The following THBS2 variants were observed in gnomAD, a reference collection of about 807,000 sequenced individuals.
THBS2 encodes thrombospondin-2.
A neutral mutation model predicts 135.2 loss-of-function variants in THBS2; 47 were observed. That is an observed-to-expected ratio of 0.35 (90% CI 0.28 to 0.44). The LOEUF is 0.44. THBS2 is among the 20% of genes least tolerant of loss of function. THBS2 has a pLI of 1.00. For missense variants in THBS2, 1,288 were observed against 1,603.1 expected, an observed-to-expected ratio of 0.80 and a Z score of 3.36; for synonymous variants, 639 against 633.8, an observed-to-expected ratio of 1.01 and a Z score of -0.12.
intron 14 of THBS2, 101 bp from the exon 15 acceptor site, chr6:169,228,382 A>G: frequency 7.1e-7 from 1 of 1,416,076 alleles, no homozygotes. Context: ...ATGAAAATCA[A>G]TATAGAAATC....
chr6:169,237,600 C>T (rs376077517), intron 8 of THBS2, 25 bp downstream of exon 8: 13 of 1,610,362 alleles, frequency 8.1e-6, no homozygotes, highest in South Asian at 5.5e-5. Context: ...CACAGGCACG[C>T]GGGTGTCACC....
At chr6:169,233,375 T>A (rs1460649916) in intron 10 of THBS2, among the ~76,000 whole-genome samples, 8 of 151,404 alleles carry the variant, frequency 5.3e-5, no homozygotes, top group African/African-American at 1.9e-4. Flanking sequence ...ACGCGCCACG[T>A]TCCGGATCAC....
intron 3 of THBS2, among the ~76,000 whole-genome samples, chr6:169,246,856 G>A (rs1243154436): frequency 2.0e-5 from 3 of 152,016 alleles, no homozygotes; most frequent in African/African-American, 7.3e-5. Context: ...GTTTAACCAT[G>A]TACTTATTTC....
chr6:169,249,010 G>A (rs768745814), intron 2 of THBS2, 37 bp from the exon 3 acceptor site: 14 of 1,560,912 alleles, frequency 9.0e-6, no homozygotes, highest in Non-Finnish European at 1.2e-5. Flanking sequence ...GGTGACGTAG[G>A]GGAAGAGGGC....
At chr6:169,253,396 A>G (rs996041943) in intron 1 of THBS2, among the ~76,000 whole-genome samples, 1 of 152,194 alleles carries the variant, frequency 6.6e-6, no homozygotes, top group African/African-American at 2.4e-5. Context: ...AACTGAAAAC[A>G]TAAAGCGTTT....
Position 169,232,806 on chromosome 6 carries a change from AC to A in THBS2, c.1789del (p.Val597SerfsTer153). The A allele has an allele frequency of 6.2e-7, 1 of 1,613,360 alleles. No homozygotes were observed. Among genetic ancestry groups the A allele is most frequent in the Non-Finnish European group, 8.5e-7 (1 of 1,179,662 alleles). On this transcript the variant is annotated frameshift_variant, in exon 12 of 22. Transcript: ENST00000617924. LOFTEE classifies it high-confidence loss of function. Reference protein sequence around the residue: ...HCEDLDECALVPDICFSTSKV... With the variant: ...HCEDLDECALXPDICFSTSKV... ...GCTGGTGGAGAAGCAGATGTCGGGG[AC>A]CAGGGCACACTGCGGGGACAAGCAG...
Position 169,225,190 on chromosome 6 carries a change from C to A in THBS2, c.2728G>T (p.Asp910Tyr). Residue 910 changes from aspartate to tyrosine, a missense_variant, in exon 17 of 22, where the codon GAC (aspartate) becomes TAC (tyrosine). Asp to Tyr is a radical substitution (Grantham distance 160). Coordinates refer to ENST00000617924, the MANE Select transcript of THBS2 (RefSeq NM_003247.5). Reference protein sequence around the residue: ...DDNDGVPDDRDNCRLVFNPDQ... With the variant: ...DDNDGVPDDRYNCRLVFNPDQ... Reference sequence around the variant, plus strand: ...GGGTTGAACACAAGCCGGCAGTTGTCCCTGTCATCGGGGACGCCATCGTTG... The same window carrying A: ...GGGTTGAACACAAGCCGGCAGTTGTACCTGTCATCGGGGACGCCATCGTTG... 6.2e-7 allele frequency: 1 copy of A among 1,614,234 alleles called. No individual in the cohort carries two copies. Among genetic ancestry groups the A allele is most frequent in the Non-Finnish European group, 8.5e-7 (1 of 1,180,050 alleles).
rs1241276410 is a variant in THBS2, at chr6:169,216,893, C to T, written c.*929G>A. ...TCAAATCAGGTAAAAGCAACTTGTC[C>T]GCAGTTACCAAAGCCTAGATACGCG... On this transcript the variant is annotated 3_prime_UTR_variant, in exon 22 of 22. Transcript: ENST00000617924. The T allele has an allele frequency of 2.0e-5, 3 of 152,150 alleles. No homozygotes were observed. Among genetic ancestry groups the T allele is most frequent in the Admixed American group, 6.5e-5 (1 of 15,274 alleles). The allele number at this position is 152,150 out of a possible 1,614,324, so 9.4% of individuals were successfully genotyped here. A position where few individuals can be genotyped will look rare whatever the true frequency, so the allele number is the denominator to read the frequency against.
At position 169,237,303 on chromosome 6, in the gene THBS2, T is replaced by C. The variant is rs751650653; in HGVS notation, c.1344A>G (p.Ser448=). The change falls in exon 9 of 22, where the codon TCA becomes TCG. Residue 448 remains serine, a synonymous_variant. Transcript: ENST00000617924. ...TGCCAACTCCACAGGTCACAGAGCA[T>C]GAAGACCAAGGTGACCAGTGGCTCC... ...GGWSHWSPWS[S]CSVTCGVGNI... 4.3e-6 allele frequency: 7 copies of C among 1,613,462 alleles called. No individual in the cohort carries two copies. The East Asian group carries it at 8.9e-5, about 21-fold the overall frequency.
intron 15 of THBS2, among the ~76,000 whole-genome samples, chr6:169,226,960 TGGAAG>T (rs1354002808): frequency 6.6e-6 from 1 of 151,932 alleles, no homozygotes; most frequent in East Asian, 1.9e-4. Context: ...AAAATAAAAA[TGGAAG>T]GGACTGGAGC....
At chr6:169,223,148 A>G (rs1779493144) in intron 18 of THBS2, 100 bp downstream of exon 18, 7 of 1,122,972 alleles carry the variant, frequency 6.2e-6, no homozygotes, top group Non-Finnish European at 8.8e-6. Context: ...GAAAGACCAC[A>G]TGGCATCCCA....
chr6:169,249,058 G>A (rs951805372), intron 2 of THBS2, 85 bp from the exon 3 acceptor site: 9 of 1,332,756 alleles, frequency 6.8e-6, no homozygotes, highest in Non-Finnish European at 9.1e-6. Context: ...CCAGAACCTC[G>A]CGTGTAAGGA....
At chr6:169,233,855 G>T (rs1779939613) in intron 10 of THBS2, among the ~76,000 whole-genome samples, 1 of 142,980 alleles carries the variant, frequency 7.0e-6, no homozygotes, top group Non-Finnish European at 1.5e-5. Context: ...CTGCCCACAC[G>T]TCAGGTGCTA....
chr6:169,226,148 C>CCCCAACCCCGCCTG (rs1779619468), intron 16 of THBS2, 32 bp downstream of exon 16: 1 of 1,581,784 alleles, frequency 6.3e-7, no homozygotes, highest in African/African-American at 1.4e-5. Context: ...TGATGAGGAC[C>CCCCAACCCCGCCTG]TCCAACCCCG....
In THBS2 at chr6:169,232,904, C is replaced by T; in HGVS notation, c.1765G>A (p.Glu589Lys). 6.3e-7 allele frequency: 1 copy of T among 1,592,724 alleles called. No individual in the cohort carries two copies. Among genetic ancestry groups the T allele is most frequent in the Non-Finnish European group, 8.5e-7 (1 of 1,169,944 alleles). Reference protein sequence around the residue: ...VGFLGNGTHCEDLDECALVPD... With the variant: ...VGFLGNGTHCKDLDECALVPD... ...GGGTCACCCACCTCGTCCAGGTCCT[C>T]ACAGTGGGTGCCATTGCCCAAGAAG... The change falls in exon 11 of 22, where the codon GAG becomes AAG. Residue 589 changes from glutamate to lysine, a missense_variant. Around this residue, in one of 2 missense-constraint regions of THBS2, gnomAD observed 874 missense variants for 1,156.1 expected, o/e 0.76. Transcript: ENST00000617924.
Position 169,216,120 on chromosome 6 carries a change from T to C in THBS2, c.*1702A>G, listed in dbSNP as rs1049511768. 15 of 152,118 alleles carry C rather than the reference T, an allele frequency of 9.9e-5. No individual in the cohort carries two copies. Among genetic ancestry groups the C allele is most frequent in the African/African-American group, 3.6e-4 (15 of 41,398 alleles). The allele number at this position is 152,118 out of a possible 1,614,324, so 9.4% of individuals were successfully genotyped here. A position where few individuals can be genotyped will look rare whatever the true frequency, so the allele number is the denominator to read the frequency against. On this transcript the variant is annotated 3_prime_UTR_variant, in exon 22 of 22. Transcript: ENST00000617924. ...GAAGTATCCCAACGCTTCGTTGGTC[T>C]CGGGAATACAGCTCCACACGCAAAA...
chr6:169,248,576 C>T lies in THBS2; in HGVS notation c.450G>A (p.Lys150=), dbSNP rs1780642312. Residue 150 remains lysine, a synonymous_variant, in exon 3 of 22, where the codon AAG becomes AAA. Transcript: ENST00000617924. ...CGCCAGCCACCTGCACGGTGACGTT[C>T]TTCCACTGCGAGTCAGCCAGGCCGA... is the stretch of plus-strand genomic sequence containing the variant. ...EDVGLADSQW[K]NVTVQVAGET... 6.2e-7 allele frequency: 1 copy of T among 1,614,052 alleles called. No homozygotes were observed. Among genetic ancestry groups the T allele is most frequent in the East Asian group, 2.2e-5 (1 of 44,858 alleles).
chr6:169,218,829 A>AGATG (rs200352317), intron 21 of THBS2, among the ~76,000 whole-genome samples: 1 of 124,220 alleles, frequency 8.1e-6, no homozygotes, highest in Non-Finnish European at 1.7e-5. Flanking sequence ...TGGGTGGCTG[A>AGATG]GATGGATGGA....
In THBS2 at chr6:169,241,417, ATGTGTGTGTATG is replaced by A. The variant is rs146947746; in HGVS notation, c.891+333_891+344del. 0.3 allele frequency among the ~76,000 whole-genome samples: 43,895 copies of A among 148,280 alleles called. 6,771 individuals carry two copies. The highest frequency in any genetic ancestry group is 0.52 in the East Asian group (2,626 of 5,048). On this transcript the variant is annotated intron_variant, in intron 5 of 21. Coordinates refer to ENST00000617924, the MANE Select transcript of THBS2 (RefSeq NM_003247.5). This position sits in a 1 kb window ranked among gnomAD's most constrained non-coding sequence, Gnocchi z 5.5. ...CCTCTGCAGGTGTGTGTGTGTGTGT[ATGTGTGTGTATG>A]TGTGTGTGTATGTGTGTGTGTGTGT...
Sources: allele counts gnomAD v4.1 joint callset (sites outside exome capture counted in the v4.1 genomes callset), GRCh38; gene constraint gnomAD v4.1.1; regional missense constraint gnomAD v4.1.1; non-coding constraint Gnocchi (gnomAD v3.1); transcripts MANE v1.5; gene names NCBI Gene and HGNC (gene_info 2026-07-23, HGNC 2026-07-21).